MSI2: variants seen among roughly 807,000 people sequenced by gnomAD.
MSI2 encodes RNA-binding protein Musashi homolog 2.
A neutral mutation model predicts 45.6 loss-of-function variants in MSI2; 17 were observed. The observed-to-expected ratio is 0.37, with a 90% confidence interval of 0.26 to 0.56. The LOEUF (loss-of-function observed/expected upper bound fraction) is 0.56. Ranked by LOEUF, MSI2 falls within the 20% of genes least tolerant of loss-of-function variation. The probability of loss-of-function intolerance (pLI) is 0.77; values close to 1 mark genes in which losing one functional copy is unlikely to be tolerated. For synonymous variants in MSI2, 156 were observed against 158.2 expected (o/e 0.99, Z 0.11); for missense variants, 293 against 444.2 (o/e 0.66, Z 3.06).
chr17:57,416,813 C>G (rs1036154651), intron 6 of MSI2, among the ~76,000 whole-genome samples: 1 of 152,246 alleles, frequency 6.6e-6, no homozygotes, highest in Non-Finnish European at 1.5e-5. Context: ...ATCATGGGAA[C>G]AACTGGAGGG....
the MSI2 span, among the ~76,000 whole-genome samples, chr17:57,692,413 C>T: frequency 6.6e-6 from 1 of 152,012 alleles, no homozygotes; most frequent in African/African-American, 2.4e-5. Context: ...TTATTTCTTC[C>T]TTAGGCCCAA....
Position 57,405,646 on chromosome 17 carries a change from C to T in MSI2, c.405+4175C>T, listed in dbSNP as rs575563498. ...GAAGGGATTCTTTATTTGGAAAAAGCCACTATTTATAAACTGGAACTTCAT... is the reference window on the plus strand; with the variant it reads ...GAAGGGATTCTTTATTTGGAAAAAGTCACTATTTATAAACTGGAACTTCAT... On this transcript the variant is annotated intron_variant, in intron 6 of 13. Coordinates refer to ENST00000284073, the MANE Select transcript of MSI2 (RefSeq NM_138962.4). Among the ~76,000 whole-genome samples the T allele has an allele frequency of 3.5e-4, 54 of 152,240 alleles. 1 individual carries two copies. The highest frequency in any genetic ancestry group is 1.2e-3 in the African/African-American group (50 of 41,530).
At chr17:57,310,050 C>T (rs988195371) in intron 5 of MSI2, among the ~76,000 whole-genome samples, 1 of 152,200 alleles carries the variant, frequency 6.6e-6, no homozygotes, top group African/African-American at 2.4e-5. Flanking sequence ...AGTTCAGACC[C>T]GGCTGGCCTG....
chr17:57,672,889 T>G (rs1021023636), intron 11 of MSI2, among the ~76,000 whole-genome samples: 1 of 152,250 alleles, frequency 6.6e-6, no homozygotes, highest in Non-Finnish European at 1.5e-5. Context: ...TATCTGCAAG[T>G]TGAATCTTCT....
chr17:57,507,175 T>TG lies in MSI2; in HGVS notation c.406-22489dup, dbSNP rs71140000. Among the ~76,000 whole-genome samples, 149 of 135,766 alleles carry TG rather than the reference T, an allele frequency of 1.1e-3. 2 individuals carry two copies. The East Asian group carries it at 0.012, about 11-fold the overall frequency. 89.1% of individuals were successfully genotyped at this position (135,766 alleles called of 152,430 possible). On this transcript the variant is annotated intron_variant, in intron 6 of 13. Coordinates refer to ENST00000284073, the MANE Select transcript of MSI2 (RefSeq NM_138962.4). ...AATCTATCTGTTTCTCTGTGTGTGT[T>TG]GGGGGGGGGGGGTGTAAATCTCTTC...
At chr17:57,484,840 C>G (rs538812243) in intron 6 of MSI2, among the ~76,000 whole-genome samples, 1 of 152,158 alleles carries the variant, frequency 6.6e-6, no homozygotes, top group African/African-American at 2.4e-5. Context: ...CCCATCAGAA[C>G]TCTTACCTGT....
intron 5 of MSI2, among the ~76,000 whole-genome samples, chr17:57,396,957 A>G (rs1202176302): frequency 1.3e-5 from 2 of 152,218 alleles, no homozygotes; most frequent in Non-Finnish European, 2.9e-5. Context: ...AAGCACTCAC[A>G]TACCAAAATG....
chr17:57,387,576 GT>G (rs2083707517), intron 5 of MSI2, among the ~76,000 whole-genome samples: 1 of 152,222 alleles, frequency 6.6e-6, no homozygotes, highest in Admixed American at 6.5e-5. Context: ...TTGTGTTGAG[GT>G]AGCATATCAT....
chr17:57,362,644 G>C (rs572983649), intron 5 of MSI2, among the ~76,000 whole-genome samples: 1 of 151,990 alleles, frequency 6.6e-6, no homozygotes, highest in African/African-American at 2.4e-5. Flanking sequence ...TGTGGTTCTA[G>C]GGGGGAAAAA....
chr17:57,383,577 C>T (rs2144038115), intron 5 of MSI2, among the ~76,000 whole-genome samples: 1 of 152,296 alleles, frequency 6.6e-6, no homozygotes, highest in South Asian at 2.1e-4. Context: ...AGGAGAATCG[C>T]TTGAACCCAG....
At chr17:57,686,306 G>T (rs2144779055), downstream of MSI2, among the ~76,000 whole-genome samples, 2 of 151,786 alleles carry the variant, frequency 1.3e-5, no homozygotes, top group Middle Eastern at 6.8e-3. Context: ...AATGTTTCAT[G>T]GAGAAAAAAT....
chr17:57,551,619 C>G (rs1820452629), intron 7 of MSI2, among the ~76,000 whole-genome samples: 1 of 152,130 alleles, frequency 6.6e-6, no homozygotes, highest in Non-Finnish European at 1.5e-5. Context: ...CCCACACCCC[C>G]CTCTTCCTGC....
rs1911188769 is a variant in MSI2 at position 57,652,029 on chromosome 17, G to A, written c.728-70G>A. 18 of 1,466,198 alleles carry A rather than the reference G, an allele frequency of 1.2e-5. No homozygotes were observed. Among genetic ancestry groups the A allele is most frequent in the South Asian group, 4.6e-5 (4 of 87,786 alleles). The allele number at this position is 1,466,198 out of a possible 1,614,324, so 90.8% of individuals were successfully genotyped here. A position where few individuals can be genotyped will look rare whatever the true frequency, so the allele number is the denominator to read the frequency against. ...TGGAGGGCGGGGGGTTGTGTGGCCC[G>A]TGACCTAGGTCTGTGCCTGGCCCTT... On this transcript the variant is annotated intron_variant, in intron 10 of 13. Coordinates refer to ENST00000284073, the MANE Select transcript of MSI2 (RefSeq NM_138962.4). This position sits in a 1 kb window ranked among gnomAD's most constrained non-coding sequence, Gnocchi z 4.1.
intron 5 of MSI2, among the ~76,000 whole-genome samples, chr17:57,345,481 T>A (rs1436895536): frequency 6.6e-6 from 1 of 152,186 alleles, no homozygotes; most frequent in East Asian, 1.9e-4. Context: ...TTCCCCTTCT[T>A]ATATAAGAGG....
In MSI2 at chr17:57,502,168, G is replaced by C. The variant is rs910315250; in HGVS notation, c.406-27508G>C. On this transcript the variant is annotated intron_variant, in intron 6 of 13. Transcript: ENST00000284073. ...GAGAATGAGTTGGGGCAACCAATAG[G>C]AAAAGGGCTAAGAATCACGTTAACA... Among the ~76,000 whole-genome samples the C allele has an allele frequency of 2.6e-5, 4 of 152,242 alleles. No individual in the cohort carries two copies. In the South Asian group the frequency reaches 8.3e-4, roughly 32 times the overall value.
intron 5 of MSI2, among the ~76,000 whole-genome samples, chr17:57,291,384 A>C (rs1159017282): frequency 2.6e-5 from 4 of 152,208 alleles, no homozygotes; most frequent in Non-Finnish European, 5.9e-5. Flanking sequence ...GATACAATTC[A>C]CCACCAATAA....
intron 5 of MSI2, among the ~76,000 whole-genome samples, chr17:57,341,747 G>A (rs1308407362): frequency 6.6e-6 from 1 of 152,076 alleles, no homozygotes; most frequent in Non-Finnish European, 1.5e-5. Flanking sequence ...CAAAATCACC[G>A]CTTGTGGGCA....
At chr17:57,642,201 C>T (rs532628683) in intron 10 of MSI2, among the ~76,000 whole-genome samples, 3 of 152,338 alleles carry the variant, frequency 2.0e-5, no homozygotes, top group Non-Finnish European at 4.4e-5. Context: ...CAGGGCCCAG[C>T]TCAGTAGTTT....
chr17:57,398,801 C>T (rs1007524597), intron 5 of MSI2, among the ~76,000 whole-genome samples: 2 of 152,146 alleles, frequency 1.3e-5, no homozygotes, highest in African/African-American at 4.8e-5. Flanking sequence ...GCACCTCGCA[C>T]TTAATGTATC....
Sources: gnomAD v4.1 joint callset for allele counts (sites outside exome capture counted in the v4.1 genomes callset) on GRCh38, gnomAD v4.1.1 for gene constraint, Gnocchi (gnomAD v3.1) non-coding constraint, MANE v1.5 for transcripts, NCBI Gene and HGNC (gene_info 2026-07-23, HGNC 2026-07-21) for gene names.